The following PLEKHA5 variants were observed in gnomAD, a reference collection of about 807,000 sequenced individuals.
PLEKHA5 encodes the protein pleckstrin homology domain containing A5.
PLEKHA5 carries 55 observed loss-of-function variants against 181.9 expected under a neutral mutation model. That is an observed-to-expected ratio of 0.30 (90% CI 0.24 to 0.38). The LOEUF (loss-of-function observed/expected upper bound fraction) is 0.38, where lower values mean the gene tolerates loss of function less well. Ranked by LOEUF, PLEKHA5 falls within the 10% of genes least tolerant of loss-of-function variation. The pLI, the probability that PLEKHA5 is intolerant of heterozygous loss-of-function variation, is 1.00. For missense variants in PLEKHA5, 1,432 were observed against 1,549.5 expected, an observed-to-expected ratio of 0.92 and a Z score of 1.27; for synonymous variants, 535 against 529.4, an observed-to-expected ratio of 1.01 and a Z score of -0.15.
intron 3 of PLEKHA5, among the ~76,000 whole-genome samples, chr12:19,221,885 G>A (rs1011277511): frequency 6.6e-6 from 1 of 152,144 alleles, no homozygotes; most frequent in East Asian, 1.9e-4. Flanking sequence ...ATGACTAAAT[G>A]TAATGTGATA....
intron 3 of PLEKHA5, among the ~76,000 whole-genome samples, chr12:19,245,087 C>G (rs532333205): frequency 6.6e-6 from 1 of 152,180 alleles, no homozygotes. Flanking sequence ...GAAACAAAAT[C>G]TCTAAAGGTC....
chr12:19,136,125 A>G (rs1033949122), intron 3 of PLEKHA5, among the ~76,000 whole-genome samples: 2 of 152,068 alleles, frequency 1.3e-5, no homozygotes, highest in African/African-American at 4.8e-5. Context: ...GGCTCACGCA[A>G]TCCTCCTGCC....
At chr12:19,288,424 T>G (rs975035505) in intron 13 of PLEKHA5, among the ~76,000 whole-genome samples, 1 of 152,216 alleles carries the variant, frequency 6.6e-6, no homozygotes, top group African/African-American at 2.4e-5. Flanking sequence ...AGAGAAAAGA[T>G]GACTTTTCCT....
intron 13 of PLEKHA5, among the ~76,000 whole-genome samples, chr12:19,289,841 T>C (rs1330511927): frequency 6.6e-6 from 1 of 152,126 alleles, no homozygotes; most frequent in African/African-American, 2.4e-5. Context: ...AACAGTGACA[T>C]TTCAGAGTAT....
At chr12:19,215,869 T>G (rs985756800) in intron 3 of PLEKHA5, among the ~76,000 whole-genome samples, 1 of 152,160 alleles carries the variant, frequency 6.6e-6, no homozygotes, top group Non-Finnish European at 1.5e-5. Context: ...AACTTACAAA[T>G]AAGATGTGTT....
At chr12:19,363,643 C>A (rs1396218875) in intron 29 of PLEKHA5, among the ~76,000 whole-genome samples, 2 of 151,578 alleles carry the variant, frequency 1.3e-5, no homozygotes, top group Non-Finnish European at 2.9e-5. Context: ...AAGCGTGTGC[C>A]ACCATGCCCA....
chr12:19,232,636 T>A (rs1397293384), intron 3 of PLEKHA5, among the ~76,000 whole-genome samples: 2 of 152,178 alleles, frequency 1.3e-5, no homozygotes, highest in Non-Finnish European at 2.9e-5. Flanking sequence ...AAGGGCTTTC[T>A]CATTATAAAT....
intron 3 of PLEKHA5, among the ~76,000 whole-genome samples, chr12:19,161,299 TC>T (rs1429185820): frequency 1.3e-5 from 2 of 151,928 alleles, no homozygotes; most frequent in Non-Finnish European, 2.9e-5. Context: ...TGTTCTCCCT[TC>T]CCCCCACAGC....
intron 11 of PLEKHA5, among the ~76,000 whole-genome samples, chr12:19,278,004 G>C (rs550330784): frequency 6.6e-6 from 1 of 152,266 alleles, no homozygotes; most frequent in Non-Finnish European, 1.5e-5. Context: ...CATTTCTTAA[G>C]CTTTCAGTTA....
intron 3 of PLEKHA5, chr12:19,149,858 G>C (rs78461129): frequency 6.6e-6 from 1 of 152,218 alleles, no homozygotes; most frequent in Non-Finnish European, 1.5e-5. Context: ...AACTGGGACA[G>C]TGTCACTTTT....
In PLEKHA5 at chr12:19,343,417, G is replaced by T; in HGVS notation, c.2645G>T (p.Arg882Ile). ...GGGCTGAGTAAACATAAGCAGCAAA[G>T]AGGTACTACAGAAATAGGTAAATTA... The part of the protein sequence containing the change: ...MEGLSKHKQQ[R>I]GTTEIGMIGS... The change falls in exon 22 of 32, where the codon AGA becomes ATA. Residue 882 changes from arginine to isoleucine, a missense_variant. By Grantham distance (97) the Arg-to-Ile change is moderately conservative. Around this residue, in one of 2 missense-constraint regions of PLEKHA5, gnomAD observed 1,143 missense variants for 1,168.4 expected, o/e 0.98. Coordinates refer to ENST00000429027, the MANE Select transcript of PLEKHA5 (RefSeq NM_001256470.2). The T allele has an allele frequency of 6.2e-7, 1 of 1,602,080 alleles. No homozygotes were observed. Among genetic ancestry groups the T allele is most frequent in the Non-Finnish European group, 8.6e-7 (1 of 1,169,122 alleles).
chr12:19,231,607 T>TGTATATATATTTATATATGTAGAC (rs149329952), intron 3 of PLEKHA5, among the ~76,000 whole-genome samples: 1 of 148,006 alleles, frequency 6.8e-6, no homozygotes, highest in Non-Finnish European at 1.5e-5. Flanking sequence ...CACATATATA[T>TGTATATATATTTATATATGTAGAC]ATATAAATAC....
rs1249882913 is a variant in PLEKHA5, at chr12:19,265,769, C to A, written c.630C>A (p.Ile210=). The A allele has an allele frequency of 6.3e-7, 1 of 1,577,690 alleles. No homozygotes were observed. ...TCTTAGATGAGAAAGAAGAGGGTATCCTGGGAAGCATACTGTTACCTAGTT... is the reference window on the plus strand; with the variant it reads ...TCTTAGATGAGAAAGAAGAGGGTATACTGGGAAGCATACTGTTACCTAGTT... ...FYYRDEKEEG[I]LGSILLPSFQ... The change falls in exon 8 of 32, where the codon ATC becomes ATA. Residue 210 remains isoleucine, a synonymous_variant. Transcript: ENST00000429027.
intron 3 of PLEKHA5, among the ~76,000 whole-genome samples, chr12:19,188,823 A>G (rs961603043): frequency 1.3e-5 from 2 of 152,174 alleles, no homozygotes; most frequent in African/African-American, 2.4e-5. Flanking sequence ...TTTATAATTT[A>G]TGTGTAAAGG....
intron 15 of PLEKHA5, among the ~76,000 whole-genome samples, chr12:19,292,728 C>G (rs1467743472): frequency 6.6e-6 from 1 of 152,156 alleles, no homozygotes; most frequent in African/African-American, 2.4e-5. Context: ...CACCTAAGGT[C>G]AGGAATTTGA....
chr12:19,259,319 A>G (rs902138727), intron 6 of PLEKHA5, among the ~76,000 whole-genome samples: 1 of 151,996 alleles, frequency 6.6e-6, no homozygotes, highest in African/African-American at 2.4e-5. Context: ...GTGAGGTATG[A>G]TCATGCCACT....
chr12:19,199,641 A>T (rs1439097384), intron 3 of PLEKHA5, among the ~76,000 whole-genome samples: 1 of 152,174 alleles, frequency 6.6e-6, no homozygotes, highest in Non-Finnish European at 1.5e-5. Flanking sequence ...GTACTGCAAG[A>T]TACTCTTTGT....
chr12:19,360,343 A>C (rs993526027), intron 28 of PLEKHA5, among the ~76,000 whole-genome samples: 5 of 151,814 alleles, frequency 3.3e-5, no homozygotes, highest in Admixed American at 3.3e-4. Flanking sequence ...ACAGTGGCTC[A>C]TGCCTGTAAT....
At chr12:19,298,923 CAT>C (rs1477920095) in intron 15 of PLEKHA5, among the ~76,000 whole-genome samples, 1 of 152,174 alleles carries the variant, frequency 6.6e-6, no homozygotes, top group African/African-American at 2.4e-5. Context: ...GAGGATAACA[CAT>C]AGAGAAAGTG....
Sources: gnomAD v4.1 joint callset for allele counts (sites outside exome capture counted in the v4.1 genomes callset) on GRCh38, gnomAD v4.1.1 for gene constraint, gnomAD v4.1.1 regional missense constraint, MANE v1.5 for transcripts, NCBI Gene and HGNC (gene_info 2026-07-23, HGNC 2026-07-21) for gene names.